Variants in FRMD6 observed in about 807,000 individuals in gnomAD.
The protein encoded by FRMD6 is FERM domain-containing protein 6.
A neutral mutation model predicts 73.2 loss-of-function variants in FRMD6; 37 were observed. That is an observed-to-expected ratio of 0.51 (90% CI 0.39 to 0.66). The LOEUF (loss-of-function observed/expected upper bound fraction) is 0.66. Among genes scored for constraint, FRMD6 ranks in the 30% least tolerant of loss-of-function variants. FRMD6 has a pLI of 0.00. For missense variants in FRMD6, 714 were observed against 780.5 expected (o/e 0.91, Z 1.02); for synonymous variants, 273 against 282.2 (o/e 0.97, Z 0.33).
chr14:51,581,191 G>C (rs774400048), intron 2 of FRMD6, among the ~76,000 whole-genome samples: 21 of 151,806 alleles, frequency 1.4e-4, no homozygotes, highest in Non-Finnish European at 2.9e-4. Context: ...ACATGCATCC[G>C]CCCACACTTC....
intron 1 of FRMD6, among the ~76,000 whole-genome samples, chr14:51,541,544 C>T (rs1172969655): frequency 1.3e-5 from 2 of 151,958 alleles, no homozygotes; most frequent in African/African-American, 4.8e-5. Context: ...AAGACAAAAA[C>T]TGAGAGACAA....
chr14:51,608,090 T>TTCTC (rs1890338925), intron 2 of FRMD6, among the ~76,000 whole-genome samples: 1 of 152,236 alleles, frequency 6.6e-6, no homozygotes, highest in Non-Finnish European at 1.5e-5. Flanking sequence ...ACACAGCTTT[T>TTCTC]TCTGGGAAAA....
chr14:51,620,466 C>T (rs34644701), intron 2 of FRMD6, among the ~76,000 whole-genome samples: 17,603 of 151,914 alleles, frequency 0.12, 1,323 homozygotes, highest in Non-Finnish European at 0.17. Flanking sequence ...GAGTCCTCAC[C>T]GAGAAAGGTA....
the FRMD6 span, among the ~76,000 whole-genome samples, chr14:51,440,705 GGAGA>G: frequency 2.6e-5 from 4 of 151,534 alleles, no homozygotes; most frequent in Non-Finnish European, 4.4e-5. Context: ...AGAGAGAAGA[GGAGA>G]GAGAGAGAGA....
chr14:51,627,556 A>G (rs909253575), intron 2 of FRMD6, among the ~76,000 whole-genome samples: 3 of 152,176 alleles, frequency 2.0e-5, no homozygotes, highest in Admixed American at 2.0e-4. Flanking sequence ...CACTGGGCAG[A>G]GATAGGCTGC....
the FRMD6 span, among the ~76,000 whole-genome samples, chr14:51,445,380 G>C: frequency 6.6e-6 from 1 of 152,006 alleles, no homozygotes; most frequent in South Asian, 2.1e-4. Context: ...GAGGAGTCTC[G>C]GTTTTTCCTC....
the FRMD6 span, among the ~76,000 whole-genome samples, chr14:51,438,878 T>C: frequency 9.2e-6 from 1 of 109,160 alleles, no homozygotes; most frequent in Admixed American, 8.5e-5. Flanking sequence ...TCACTGGCTA[T>C]GTAAAATGTG....
intron 1 of FRMD6, among the ~76,000 whole-genome samples, chr14:51,501,131 CAG>C (rs1883599381): frequency 6.6e-6 from 1 of 152,188 alleles, no homozygotes; most frequent in Non-Finnish European, 1.5e-5. Context: ...AAATTGGAAA[CAG>C]AAGTTCAGAA....
At chr14:51,686,277 A>C (rs1389022500) in intron 1 of FRMD6, among the ~76,000 whole-genome samples, 1 of 152,152 alleles carries the variant, frequency 6.6e-6, no homozygotes. Flanking sequence ...ATCTTACATG[A>C]TTATGGTATA....
chr14:51,492,764 T>G (rs555425861), intron 1 of FRMD6, among the ~76,000 whole-genome samples: 48 of 152,374 alleles, frequency 3.2e-4, no homozygotes, highest in African/African-American at 1.1e-3. Flanking sequence ...GATACACCAT[T>G]TAATCATGAC....
At chr14:51,693,922 C>A (rs1895773308) in intron 2 of FRMD6, among the ~76,000 whole-genome samples, 1 of 152,126 alleles carries the variant, frequency 6.6e-6, no homozygotes, top group Non-Finnish European at 1.5e-5. Flanking sequence ...AAGAGGCCCT[C>A]CCTTTTTACA....
the FRMD6 span, among the ~76,000 whole-genome samples, chr14:51,408,949 C>T: frequency 3.3e-5 from 5 of 152,316 alleles, no homozygotes; most frequent in Middle Eastern, 6.8e-3. Flanking sequence ...AGTAAAAATT[C>T]ACCTTGAGGA....
intron 2 of FRMD6, among the ~76,000 whole-genome samples, chr14:51,633,598 C>CAAAAA (rs375453243): frequency 3.3e-4 from 15 of 45,844 alleles, no homozygotes; most frequent in South Asian, 8.5e-4. Flanking sequence ...AAGACCCTGT[C>CAAAAA]AAAAAAAAAA....
chr14:51,542,186 T>G (rs1277824398), intron 1 of FRMD6, among the ~76,000 whole-genome samples: 1 of 152,048 alleles, frequency 6.6e-6, no homozygotes, highest in East Asian at 1.9e-4. Context: ...AATTCAACAA[T>G]AGTATATTCA....
the FRMD6 span, among the ~76,000 whole-genome samples, chr14:51,426,509 G>T: frequency 1.3e-5 from 2 of 152,144 alleles, no homozygotes; most frequent in South Asian, 4.2e-4. Context: ...TAAGTGGATG[G>T]CAAACTTCTC....
In FRMD6 at chr14:51,729,036, T is replaced by C. The variant is rs1898129704; in HGVS notation, c.*1007T>C. ...ACATGGAATTCCTTAAGATTGAGAATATGTCACTGAGTGAATGATACCTGC... is the reference window on the plus strand; with the variant it reads ...ACATGGAATTCCTTAAGATTGAGAACATGTCACTGAGTGAATGATACCTGC... On this transcript the variant is annotated 3_prime_UTR_variant, in exon 14 of 14. Transcript: ENST00000344768. 6.6e-6 allele frequency: 1 copy of C among 152,192 alleles called. No homozygotes were observed. The highest frequency in any genetic ancestry group is 1.5e-5 in the Non-Finnish European group (1 of 68,030). The allele number at this position is 152,192 out of a possible 1,614,324, so 9.4% of individuals were successfully genotyped here.
chr14:51,466,401 A>G, the FRMD6 span, among the ~76,000 whole-genome samples: 2 of 152,182 alleles, frequency 1.3e-5, no homozygotes, highest in African/African-American at 4.8e-5. Context: ...CTTTAGCTTT[A>G]TGATCCAGTA....
chr14:51,710,493 A>T (rs1369555676), intron 7 of FRMD6, among the ~76,000 whole-genome samples: 3 of 152,198 alleles, frequency 2.0e-5, no homozygotes, highest in Non-Finnish European at 4.4e-5. Context: ...CAAAACTCAT[A>T]TAATGATGGA....
chr14:51,725,843 T>C lies in FRMD6; in HGVS notation c.1557T>C (p.Arg519=). ...CTTCAGAAACAGTTGTTAAGCTTCG[T>C]GGCCAGAGTACTGATTCTCTTCCAC... is the stretch of plus-strand genomic sequence containing the variant. ...SSSSETVVKL[R]GQSTDSLPQT... is the part of the protein sequence containing the mutation. Residue 519 remains arginine, a synonymous_variant, in exon 13 of 14, where the codon CGT becomes CGC. Transcript: ENST00000344768. The C allele has an allele frequency of 6.2e-7, 1 of 1,613,690 alleles. No homozygotes were observed. Among genetic ancestry groups the C allele is most frequent in the Non-Finnish European group, 8.5e-7 (1 of 1,179,648 alleles).
Sources: allele counts gnomAD v4.1 joint callset (sites outside exome capture counted in the v4.1 genomes callset), GRCh38; gene constraint gnomAD v4.1.1; transcripts MANE v1.5; gene names NCBI Gene and HGNC (gene_info 2026-07-23, HGNC 2026-07-21).